Variants in ZNF654 observed in about 807,000 individuals in gnomAD.
ZNF654 encodes melanoma-associated antigen.
ZNF654 carries 19 observed loss-of-function variants against 95.3 expected under a neutral mutation model. The observed-to-expected ratio is 0.20, with a 90% CI of 0.14 to 0.29. The LOEUF (loss-of-function observed/expected upper bound fraction) is 0.29, where lower values mean the gene tolerates loss of function less well. Ranked by LOEUF, ZNF654 falls within the 10% of genes least tolerant of loss-of-function variation. The pLI, the probability that ZNF654 is intolerant of heterozygous loss-of-function variation, is 1.00. For missense variants in ZNF654, 1,046 were observed against 1,341.0 expected (o/e 0.78, Z 3.44); for synonymous variants, 413 against 457.9 (o/e 0.90, Z 1.25).
chr3:88,079,751 TTCTG>T (rs1172315959), intron 1 of ZNF654, among the ~76,000 whole-genome samples: 2 of 152,082 alleles, frequency 1.3e-5, no homozygotes, highest in African/African-American at 2.4e-5. Flanking sequence ...TTTGAAAAGA[TTCTG>T]TCTTATTACA....
At chr3:88,069,572 G>T (rs1426874444) in intron 1 of ZNF654, among the ~76,000 whole-genome samples, 1 of 152,170 alleles carries the variant, frequency 6.6e-6, no homozygotes, top group Non-Finnish European at 1.5e-5. Context: ...GACAATGTTT[G>T]CTTACCACAC....
At chr3:88,133,617 T>A (rs1706594510) in intron 6 of ZNF654, among the ~76,000 whole-genome samples, 1 of 152,096 alleles carries the variant, frequency 6.6e-6, no homozygotes, top group Admixed American at 6.6e-5. Flanking sequence ...AAAGTGAGAA[T>A]AAATGAAGCA....
At chr3:88,092,339 A>G (rs2107682594) in intron 2 of ZNF654, among the ~76,000 whole-genome samples, 1 of 152,348 alleles carries the variant, frequency 6.6e-6, no homozygotes, top group South Asian at 2.1e-4. Flanking sequence ...CTTGTTCTCC[A>G]AGATGTTACA....
At chr3:88,133,192 C>T (rs945818707) in intron 6 of ZNF654, among the ~76,000 whole-genome samples, 2 of 152,068 alleles carry the variant, frequency 1.3e-5, no homozygotes, top group African/African-American at 4.8e-5. Context: ...AGAGGAGGGT[C>T]ACATAGGAGA....
chr3:88,102,252 A>C (rs1458697102), intron 2 of ZNF654, among the ~76,000 whole-genome samples: 1 of 152,158 alleles, frequency 6.6e-6, no homozygotes, highest in Non-Finnish European at 1.5e-5. Context: ...AAATGTCCTC[A>C]AAAAACTTTT....
chr3:88,059,367 G>T lies in ZNF654; in HGVS notation c.48G>T (p.Glu16Asp). The change falls in exon 1 of 9, where the codon GAG becomes GAT. Residue 16 changes from glutamate to aspartate, a missense_variant. Glu to Asp is a conservative substitution (Grantham distance 45). Coordinates refer to ENST00000636215, the MANE Select transcript of ZNF654 (RefSeq NM_001350134.2). The stretch of plus-strand genomic sequence containing the variant: ...AAGAGGCCGAACGCCTCGGAGAAGA[G>T]CTTGTGGCCATTGTGGAGTCCCCGC... ...SDQEAERLGEELVAIVESPLG... is the reference protein window; with the variant it reads ...SDQEAERLGEDLVAIVESPLG... 6.5e-7 allele frequency: 1 copy of T among 1,535,334 alleles called. No individual in the cohort carries two copies. Among genetic ancestry groups the T allele is most frequent in the Non-Finnish European group, 8.7e-7 (1 of 1,146,742 alleles).
At position 88,104,224 on chromosome 3, in the gene ZNF654, T is replaced by C. The variant is rs567526921; in HGVS notation, c.333-8891T>C. On this transcript the variant is annotated intron_variant, in intron 2 of 8. Transcript: ENST00000636215. The stretch of plus-strand genomic sequence containing the variant: ...AGAAATTTGGATGTATCTAAGGAAA[T>C]AGAGTGGAAAATGGTAAATAAAAAC... Among the ~76,000 whole-genome samples, 22 of 152,262 alleles carry C rather than the reference T, an allele frequency of 1.4e-4. No individual in the cohort carries two copies. In the South Asian group the frequency reaches 4.1e-3, roughly 29 times the overall value.
At chr3:88,130,886 T>C (rs1178971786) in intron 6 of ZNF654, among the ~76,000 whole-genome samples, 7 of 152,128 alleles carry the variant, frequency 4.6e-5, no homozygotes, top group African/African-American at 1.7e-4. Flanking sequence ...TTTAGTTAGA[T>C]TATGCTAATT....
chr3:88,103,739 G>T (rs939263289), intron 2 of ZNF654, among the ~76,000 whole-genome samples: 21 of 150,036 alleles, frequency 1.4e-4, no homozygotes, highest in African/African-American at 2.2e-4. Flanking sequence ...ACTTTAAAGT[G>T]ATGAAAGAAA....
chr3:88,126,579 CTTTTTTTTTTTTTTTTTT>C (rs144091813), intron 4 of ZNF654, among the ~76,000 whole-genome samples: 1 of 81,744 alleles, frequency 1.2e-5, no homozygotes, highest in African/African-American at 4.5e-5. Flanking sequence ...GTAGAAACAT[CTTTTTTTTTTTTTTTTTT>C]TTTTTTTAAG....
chr3:88,067,890 T>C (rs896390407), intron 1 of ZNF654, among the ~76,000 whole-genome samples: 2 of 151,886 alleles, frequency 1.3e-5, no homozygotes, highest in African/African-American at 2.4e-5. Context: ...TTCTTTCTTT[T>C]TTTTTTTTTA....
At chr3:88,138,567 A>G (rs1289100755) in intron 7 of ZNF654, 138 bp from the exon 8 acceptor site, 5 of 453,836 alleles carry the variant, frequency 1.1e-5, no homozygotes, top group Non-Finnish European at 1.4e-5. Flanking sequence ...AAACAAGGCT[A>G]CTAAATATGG....
intron 7 of ZNF654, chr3:88,135,451 A>G (rs1706718990): frequency 3.7e-6 from 1 of 269,764 alleles, no homozygotes; most frequent in African/African-American, 2.2e-5. Flanking sequence ...TTATAATTAA[A>G]TATTTGTTAC....
intron 3 of ZNF654, among the ~76,000 whole-genome samples, chr3:88,122,818 T>C (rs1205894431): frequency 1.3e-5 from 2 of 152,002 alleles, no homozygotes; most frequent in African/African-American, 4.8e-5. Flanking sequence ...GATACCAGCC[T>C]GGCCAGCATG....
chr3:88,137,228 T>C (rs1467364646), intron 7 of ZNF654, among the ~76,000 whole-genome samples: 1 of 140,034 alleles, frequency 7.1e-6, no homozygotes, highest in Admixed American at 7.2e-5. Context: ...AGGATGTAGA[T>C]AGAAGTATGG....
chr3:88,086,437 T>A (rs995009067), intron 2 of ZNF654, 35 bp downstream of exon 2: 1 of 1,424,064 alleles, frequency 7.0e-7, no homozygotes, highest in African/African-American at 1.4e-5. Flanking sequence ...ATGCATTATT[T>A]TTCTTGATGT....
At chr3:88,084,308 C>T (rs1452956588) in intron 1 of ZNF654, among the ~76,000 whole-genome samples, 1 of 152,106 alleles carries the variant, frequency 6.6e-6, no homozygotes, top group African/African-American at 2.4e-5. Flanking sequence ...TAAACATGGA[C>T]TGGGAACAAG....
At chr3:88,060,692 G>A (rs1227866771) in intron 1 of ZNF654, among the ~76,000 whole-genome samples, 2 of 152,050 alleles carry the variant, frequency 1.3e-5, no homozygotes, top group African/African-American at 2.4e-5. Context: ...TATTAATTTC[G>A]TTCTGATAAC....
intron 2 of ZNF654, among the ~76,000 whole-genome samples, chr3:88,107,270 C>T (rs1195653115): frequency 6.6e-6 from 1 of 152,124 alleles, no homozygotes; most frequent in East Asian, 1.9e-4. Flanking sequence ...TGTGTTTTTG[C>T]TGTATTTTTA....
Sources: gnomAD v4.1 joint callset for allele counts (sites outside exome capture counted in the v4.1 genomes callset) on GRCh38, gnomAD v4.1.1 for gene constraint, MANE v1.5 for transcripts, NCBI Gene and HGNC (gene_info 2026-07-23, HGNC 2026-07-21) for gene names.